The following SPPL3 variants were observed in gnomAD, a reference collection of about 807,000 sequenced individuals.
The protein encoded by SPPL3 is signal peptide peptidase-like 3.
In SPPL3, 5 loss-of-function variants were observed where a neutral mutation model predicts 42.4. The ratio of observed to expected loss-of-function variants is 0.12; its 90% CI spans 0.06 to 0.25. SPPL3 has a LOEUF of 0.25. Among genes scored for constraint, SPPL3 ranks in the 10% least tolerant of loss-of-function variants. The pLI is 1.00. For synonymous variants in SPPL3, 195 were observed against 181.8 expected (o/e 1.07, Z -0.58); for missense variants, 235 against 489.0 (o/e 0.48, Z 4.90).
intron 1 of SPPL3, among the ~76,000 whole-genome samples, chr12:120,889,908 T>C (rs1191211610): frequency 2.0e-5 from 3 of 152,094 alleles, no homozygotes; most frequent in Non-Finnish European, 2.9e-5. Flanking sequence ...TGAGGACTGA[T>C]AGCAATTTAA....
rs1463764683 is a variant in SPPL3 at position 120,789,458 on chromosome 12, A to AAAAAAAAAAG, written c.190+2010_190+2011insCTTTTTTTTT. Reference sequence around the variant, plus strand: ...GACAGTGAGACTCTGTCTCAAAAAAAAAAAGAAAAAAAGCATTTAAAAAAG... The same window carrying AAAAAAAAAAG: ...GACAGTGAGACTCTGTCTCAAAAAAAAAAAAAAAAGAAAAGAAAAAAAGCATTTAAAAAAG... On this transcript the variant is annotated intron_variant, in intron 3 of 10. Transcript: ENST00000353487. Among the ~76,000 whole-genome samples, 42 of 151,070 alleles carry AAAAAAAAAAG rather than the reference A, an allele frequency of 2.8e-4. 1 individual carries two copies. Among genetic ancestry groups the AAAAAAAAAAG allele is most frequent in the African/African-American group, 9.2e-4 (38 of 41,140 alleles).
intron 1 of SPPL3, among the ~76,000 whole-genome samples, chr12:120,863,781 A>C (rs976928466): frequency 1.3e-4 from 20 of 148,390 alleles, no homozygotes; most frequent in Non-Finnish European, 2.4e-4. Context: ...AGCTAGGCCC[A>C]CAGGGTCAAG....
chr12:120,871,463 T>C (rs773556357), intron 1 of SPPL3, among the ~76,000 whole-genome samples: 11 of 152,070 alleles, frequency 7.2e-5, no homozygotes, highest in Admixed American at 1.3e-4. Context: ...AAGTCCTTTA[T>C]ATAAAATGGC....
chr12:120,892,548 T>C (rs1873671986), intron 1 of SPPL3, among the ~76,000 whole-genome samples: 2 of 152,228 alleles, frequency 1.3e-5, no homozygotes, highest in South Asian at 2.1e-4. Context: ...TAACCCAGTG[T>C]GGCTGAAGTA....
At chr12:120,852,770 T>TTCATATC (rs1474669819) in intron 1 of SPPL3, among the ~76,000 whole-genome samples, 2 of 98,318 alleles carry the variant, frequency 2.0e-5, no homozygotes, top group Admixed American at 1.0e-4. Context: ...CTATGTATAT[T>TTCATATC]ATATATAAAA....
At chr12:120,828,749 A>C (rs1203450280) in intron 1 of SPPL3, among the ~76,000 whole-genome samples, 1 of 152,174 alleles carries the variant, frequency 6.6e-6, no homozygotes, top group Non-Finnish European at 1.5e-5. Context: ...TTCCAAGAGG[A>C]AAGAAAGTCT....
At chr12:120,853,402 C>T (rs1172531225) in intron 1 of SPPL3, among the ~76,000 whole-genome samples, 1 of 152,152 alleles carries the variant, frequency 6.6e-6, no homozygotes, top group African/African-American at 2.4e-5. Flanking sequence ...CTTACTCATT[C>T]AAATGTCACA....
intron 1 of SPPL3, among the ~76,000 whole-genome samples, chr12:120,829,925 T>A (rs372982763): frequency 2.7e-5 from 4 of 145,580 alleles, no homozygotes; most frequent in Non-Finnish European, 6.0e-5. Context: ...ATGCGCGAGA[T>A]AGAGGTCGCA....
At chr12:120,842,459 CAAT>C (rs1871865174) in intron 1 of SPPL3, among the ~76,000 whole-genome samples, 1 of 152,004 alleles carries the variant, frequency 6.6e-6, no homozygotes, top group African/African-American at 2.4e-5. Flanking sequence ...AATTATTTTT[CAAT>C]AATAGTAGAA....
At chr12:120,765,147 A>G in intron 10 of SPPL3, 77 bp from the exon 11 acceptor site, 1 of 1,477,346 alleles carries the variant, frequency 6.8e-7, no homozygotes, top group South Asian at 1.3e-5. Flanking sequence ...TAAAAAAAAA[A>G]AATTTTTTTT....
At chr12:120,855,653 C>G (rs558199505) in intron 1 of SPPL3, among the ~76,000 whole-genome samples, 1 of 151,426 alleles carries the variant, frequency 6.6e-6, no homozygotes, top group East Asian at 1.9e-4. Context: ...TGCCACTGCA[C>G]CACTGCACTC....
At chr12:120,811,226 A>G (rs756918981) in intron 1 of SPPL3, 2 of 173,234 alleles carry the variant, frequency 1.2e-5, no homozygotes, top group Non-Finnish European at 2.4e-5. Flanking sequence ...CAAAAGTCTC[A>G]ATAATCAGAC....
intron 1 of SPPL3, among the ~76,000 whole-genome samples, chr12:120,883,284 G>A (rs185043340): frequency 1.2e-4 from 19 of 152,136 alleles, no homozygotes; most frequent in African/African-American, 3.9e-4. Flanking sequence ...CAGCCTGGGC[G>A]ACAGAGCAAG....
intron 1 of SPPL3, among the ~76,000 whole-genome samples, chr12:120,847,696 G>A (rs1003587451): frequency 2.6e-5 from 4 of 152,218 alleles, no homozygotes; most frequent in Non-Finnish European, 4.4e-5. Context: ...TTCCGAAAGT[G>A]CTAGGATTAC....
At chr12:120,879,830 T>G (rs1873224629) in intron 1 of SPPL3, among the ~76,000 whole-genome samples, 1 of 152,086 alleles carries the variant, frequency 6.6e-6, no homozygotes, top group Non-Finnish European at 1.5e-5. Flanking sequence ...TATATACACA[T>G]GCAGTCAAAT....
At chr12:120,787,821 A>G (rs1208515714) in intron 3 of SPPL3, among the ~76,000 whole-genome samples, 5 of 152,166 alleles carry the variant, frequency 3.3e-5, no homozygotes, top group African/African-American at 1.2e-4. Context: ...CTTTGACTCA[A>G]TATGATTTGT....
chr12:120,856,285 A>G (rs74357154), intron 1 of SPPL3, among the ~76,000 whole-genome samples: 1 of 144,658 alleles, frequency 6.9e-6, no homozygotes, highest in Non-Finnish European at 1.5e-5. Context: ...AATCTGAAAG[A>G]AAAAAAAAAA....
At chr12:120,797,228 T>C (rs1433445284) in intron 2 of SPPL3, among the ~76,000 whole-genome samples, 1 of 151,996 alleles carries the variant, frequency 6.6e-6, no homozygotes, top group Non-Finnish European at 1.5e-5. Context: ...GGATTCTGTG[T>C]AGATCTCTGG....
In SPPL3 at chr12:120,764,091, T is replaced by C. The variant is rs545901828; in HGVS notation, c.*908A>G. ...ATTTGCTACACTGATCAAAACCAAGTAAGGGCTCCTGAAGTCCATGAGTCT... is the reference window on the plus strand; with the variant it reads ...ATTTGCTACACTGATCAAAACCAAGCAAGGGCTCCTGAAGTCCATGAGTCT... On this transcript the variant is annotated 3_prime_UTR_variant, in exon 11 of 11. Coordinates refer to ENST00000353487, the MANE Select transcript of SPPL3 (RefSeq NM_139015.5). The C allele has an allele frequency of 2.6e-5, 4 of 152,648 alleles. No individual in the cohort carries two copies. The highest frequency in any genetic ancestry group is 9.6e-5 in the African/African-American group (4 of 41,544). The allele number at this position is 152,648 out of a possible 1,614,324, so 9.5% of individuals were successfully genotyped here. A position where few individuals can be genotyped will look rare whatever the true frequency, so the allele number is the denominator to read the frequency against.
Sources: gnomAD v4.1 joint callset for allele counts (sites outside exome capture counted in the v4.1 genomes callset) on GRCh38, gnomAD v4.1.1 for gene constraint, MANE v1.5 for transcripts, NCBI Gene and HGNC (gene_info 2026-07-23, HGNC 2026-07-21) for gene names.